The following PRDM16 variants were observed in gnomAD, a reference collection of about 807,000 sequenced individuals.
PRDM16 encodes the protein PR/SET domain 16.
In PRDM16, 23 loss-of-function variants were observed where a neutral mutation model predicts 110.6. The ratio of observed to expected loss-of-function variants is 0.21; its 90% CI spans 0.15 to 0.29. PRDM16 has a LOEUF of 0.29. Ranked by LOEUF, PRDM16 falls within the 10% of genes least tolerant of loss-of-function variation. The pLI is 1.00. For missense variants in PRDM16, 1,615 were observed against 1,794.3 expected, an observed-to-expected ratio of 0.90 and a Z score of 1.81; for synonymous variants, 799 against 781.8, an observed-to-expected ratio of 1.02 and a Z score of -0.37.
chr1:3,110,066 TC>T (rs1320339446), intron 1 of PRDM16, among the ~76,000 whole-genome samples: 5 of 145,086 alleles, frequency 3.4e-5, no homozygotes, highest in Non-Finnish European at 7.5e-5. Context: ...GCTCGGGGGC[TC>T]CCCTCTGTCC....
chr1:3,313,621 C>T (rs1030729249), intron 3 of PRDM16, among the ~76,000 whole-genome samples: 6 of 152,246 alleles, frequency 3.9e-5, no homozygotes, highest in Non-Finnish European at 7.3e-5. Context: ...CCTGCGCCTG[C>T]GAGGCCGTGC....
At chr1:3,300,103 A>C (rs111659197) in intron 3 of PRDM16, among the ~76,000 whole-genome samples, 576 of 65,932 alleles carry the variant, frequency 8.7e-3, no homozygotes, top group African/African-American at 0.025. Flanking sequence ...GTGATGTTTC[A>C]GATCCCAGTC....
At chr1:3,084,090 C>T (rs1403302213) in intron 1 of PRDM16, among the ~76,000 whole-genome samples, 6 of 152,210 alleles carry the variant, frequency 3.9e-5, no homozygotes, top group Non-Finnish European at 7.3e-5. Context: ...CTGGGGACGA[C>T]CGAATCCCAG....
chr1:3,267,043 A>G (rs78982773), intron 3 of PRDM16, among the ~76,000 whole-genome samples: 3,619 of 152,248 alleles, frequency 0.024, 169 homozygotes, highest in East Asian at 0.19. Flanking sequence ...TACAAAACGT[A>G]TAACTAATTA....
intron 1 of PRDM16, among the ~76,000 whole-genome samples, chr1:3,172,122 GAGA>G (rs1033067782): frequency 1.3e-5 from 2 of 152,192 alleles, no homozygotes; most frequent in Non-Finnish European, 2.9e-5. Context: ...AATCAGGGTG[GAGA>G]AGGAGTTGAG....
intron 3 of PRDM16, among the ~76,000 whole-genome samples, chr1:3,320,904 G>A (rs1027901375): frequency 6.6e-6 from 1 of 152,202 alleles, no homozygotes; most frequent in Non-Finnish European, 1.5e-5. Flanking sequence ...TTTGAGGGAG[G>A]GGGCTGGCAC....
chr1:3,257,418 A>G (rs79709748), intron 3 of PRDM16, among the ~76,000 whole-genome samples: 1,795 of 152,258 alleles, frequency 0.012, 35 homozygotes, highest in African/African-American at 0.041. Context: ...CTGCTCTCCA[A>G]CACTGCAACC....
At chr1:3,092,730 C>G (rs1642306207) in intron 1 of PRDM16, among the ~76,000 whole-genome samples, 1 of 152,144 alleles carries the variant, frequency 6.6e-6, no homozygotes, top group Non-Finnish European at 1.5e-5. Flanking sequence ...GGCTCTGAGC[C>G]ACAAGCTGGG....
intron 1 of PRDM16, among the ~76,000 whole-genome samples, chr1:3,092,368 A>C (rs1353129955): frequency 1.3e-5 from 2 of 152,034 alleles, no homozygotes; most frequent in Non-Finnish European, 2.9e-5. Context: ...GTCCTGCCCC[A>C]CTGCTCATCC....
rs925412286 is a variant in PRDM16, at chr1:3,244,884, C to T, written c.438+747C>T. On this transcript the variant is annotated intron_variant, in intron 3 of 16. Coordinates refer to ENST00000270722, the MANE Select transcript of PRDM16 (RefSeq NM_022114.4). This position sits in a 1 kb window ranked among gnomAD's most constrained non-coding sequence, Gnocchi z 4.1. ...TTCGACGGGATATGCATTGCCTGCA[C>T]GCACACACAGACGTCCACAGACACA... is the stretch of plus-strand genomic sequence containing the variant. Among the ~76,000 whole-genome samples, 7 of 152,212 alleles carry T rather than the reference C, an allele frequency of 4.6e-5. No homozygotes were observed. The highest frequency in any genetic ancestry group is 1.4e-4 in the African/African-American group (6 of 41,450).
intron 2 of PRDM16, among the ~76,000 whole-genome samples, chr1:3,214,789 A>G (rs1345029140): frequency 6.6e-6 from 1 of 152,224 alleles, no homozygotes; most frequent in African/African-American, 2.4e-5. Context: ...CATGTTCCAC[A>G]TCAGACGAGA....
intron 3 of PRDM16, among the ~76,000 whole-genome samples, chr1:3,377,941 C>T (rs1231188745): frequency 2.0e-5 from 3 of 152,230 alleles, no homozygotes; most frequent in Non-Finnish European, 4.4e-5. Flanking sequence ...AGGCCTCAGG[C>T]CTGCCCCGAG....
rs12404846 is a variant in PRDM16 at position 3,145,344 on chromosome 1, C to T, written c.38-40781C>T. ...TGGCTCTTCAGGGGCCTGCAGCTGG[C>T]GACCTGGGCCCTGAGCCCACTGGCC... is the stretch of plus-strand genomic sequence containing the variant. On this transcript the variant is annotated intron_variant, in intron 1 of 16. Transcript: ENST00000270722. 6.5e-3 allele frequency among the ~76,000 whole-genome samples: 993 copies of T among 152,298 alleles called. 39 individuals carry two copies. Among genetic ancestry groups the T allele is most frequent in the Admixed American group, 0.057 (878 of 15,302 alleles).
In PRDM16 at chr1:3,255,483, G is replaced by T. The variant is rs1640021674; in HGVS notation, c.438+11346G>T. ...TCAACACAGTTGGGCTCAGAGAGAG[G>T]CAAGACAGTGGGGCGGAGTCCTGGG... On this transcript the variant is annotated intron_variant, in intron 3 of 16. Transcript: ENST00000270722. The surrounding 1 kb of genome is among the most constrained non-coding windows in gnomAD (Gnocchi z 4.7). Among the ~76,000 whole-genome samples, 1 of 152,140 alleles carries T rather than the reference G, an allele frequency of 6.6e-6. No homozygotes were observed. Among genetic ancestry groups the T allele is most frequent in the Admixed American group, 6.5e-5 (1 of 15,270 alleles).
chr1:3,096,335 T>A (rs1306855334), intron 1 of PRDM16, among the ~76,000 whole-genome samples: 1 of 152,080 alleles, frequency 6.6e-6, no homozygotes, highest in Non-Finnish European at 1.5e-5. Context: ...GGCCCCTTCC[T>A]CACGTCTCCT....
intron 9 of PRDM16, 57 bp from the exon 10 acceptor site, chr1:3,414,503 T>C: frequency 2.2e-6 from 3 of 1,391,552 alleles, no homozygotes; most frequent in Admixed American, 3.6e-5. Context: ...GTGGAGCGGG[T>C]GGCTCGGCGG....
intron 2 of PRDM16, among the ~76,000 whole-genome samples, chr1:3,202,556 T>A (rs1006530965): frequency 6.6e-6 from 1 of 152,232 alleles, no homozygotes; most frequent in African/African-American, 2.4e-5. Flanking sequence ...CTGGCTGCGC[T>A]GCCCATGTCC....
chr1:3,432,284 G>T, intron 16 of PRDM16, 144 bp downstream of exon 16: 1 of 644,440 alleles, frequency 1.6e-6, no homozygotes, highest in Non-Finnish European at 2.7e-6. Flanking sequence ...CTCCAGAGAG[G>T]CCCCAGCGAC....
chr1:3,240,103 GAGGAGGAGAA>G, intron 2 of PRDM16, among the ~76,000 whole-genome samples: 1 of 138,108 alleles, frequency 7.2e-6, no homozygotes, highest in Non-Finnish European at 1.6e-5. Flanking sequence ...GAGGAGAGGA[GAGGAGGAGAA>G]GAGAAGAGAA....
Sources: gnomAD v4.1 joint callset for allele counts (sites outside exome capture counted in the v4.1 genomes callset) on GRCh38, gnomAD v4.1.1 for gene constraint, Gnocchi (gnomAD v3.1) non-coding constraint, MANE v1.5 for transcripts, NCBI Gene and HGNC (gene_info 2026-07-23, HGNC 2026-07-21) for gene names.